PUM1: variants seen among roughly 807,000 people sequenced by gnomAD.
PUM1 encodes the protein pumilio RNA binding family member 1, also known as pumilio homolog 1.
A neutral mutation model predicts 131.8 loss-of-function variants in PUM1; 13 were observed. The ratio of observed to expected loss-of-function variants is 0.10; its 90% confidence interval spans 0.06 to 0.16. The LOEUF (loss-of-function observed/expected upper bound fraction) is 0.16. PUM1 is among the 10% of genes least tolerant of loss of function. The pLI is 1.00. For synonymous variants in PUM1, 509 were observed against 556.5 expected, an observed-to-expected ratio of 0.91 and a Z score of 1.20; for missense variants, 961 against 1,512.4, an observed-to-expected ratio of 0.64 and a Z score of 6.05.
chr1:30,944,799 A>C (rs1349209708), intron 18 of PUM1, among the ~76,000 whole-genome samples: 1 of 152,244 alleles, frequency 6.6e-6, no homozygotes, highest in Admixed American at 6.5e-5. Flanking sequence ...TTCATCTTAA[A>C]AACTCTTATG....
rs1639868574 is a variant in PUM1 at position 30,950,159 on chromosome 1, G to A, written c.2824C>T (p.Leu942Phe). Reference sequence around the variant, plus strand: ...TGCTGGTCTGAAGGAATAAACTCAAGAGCTTTCTGGATAACACGGCAGCCA... The same window carrying A: ...TGCTGGTCTGAAGGAATAAACTCAAAAGCTTTCTGGATAACACGGCAGCCA... ...MYGCRVIQKA[L>F]EFIPSDQQVI... The change falls in exon 17 of 22, where the codon CTT becomes TTT. Residue 942 changes from leucine (L) to phenylalanine (F), a missense_variant. Transcript: ENST00000426105. The A allele has an allele frequency of 1.9e-6, 3 of 1,613,676 alleles. No homozygotes were observed. Among genetic ancestry groups the A allele is most frequent in the African/African-American group, 1.3e-5 (1 of 74,932 alleles).
At chr1:31,054,961 C>T (rs1260832690) in intron 2 of PUM1, among the ~76,000 whole-genome samples, 2 of 152,140 alleles carry the variant, frequency 1.3e-5, no homozygotes, top group Non-Finnish European at 2.9e-5. Context: ...TACCTGGTAA[C>T]AAAGCCTCAG....
At chr1:30,971,583 T>C (rs1181215042) in intron 10 of PUM1, among the ~76,000 whole-genome samples, 1 of 152,192 alleles carries the variant, frequency 6.6e-6, no homozygotes, top group Non-Finnish European at 1.5e-5. Context: ...AGTCAAGACA[T>C]CACAATATGG....
chr1:30,960,459 A>T (rs1273404037), intron 14 of PUM1, among the ~76,000 whole-genome samples: 1 of 152,222 alleles, frequency 6.6e-6, no homozygotes, highest in Non-Finnish European at 1.5e-5. Context: ...AATGGCTTTT[A>T]TTCTTAAGAT....
At chr1:31,062,828 T>A (rs1485554489) in intron 1 of PUM1, among the ~76,000 whole-genome samples, 1 of 152,164 alleles carries the variant, frequency 6.6e-6, no homozygotes, top group African/African-American at 2.4e-5. Flanking sequence ...AACCTTCTGA[T>A]AAAGTAGCAT....
chr1:30,959,284 T>C (rs1557554964), intron 14 of PUM1, among the ~76,000 whole-genome samples: 1 of 152,098 alleles, frequency 6.6e-6, no homozygotes, highest in East Asian at 1.9e-4. Flanking sequence ...GAGGTCAGTA[T>C]CACCCTGACA....
In PUM1 at chr1:31,038,994, T is replaced by A. The variant is rs866276146; in HGVS notation, c.364-10130A>T. On this transcript the variant is annotated intron_variant, in intron 2 of 21. Transcript: ENST00000426105. The stretch of plus-strand genomic sequence containing the variant: ...TATATATATATATATATTTTTTTTT[T>A]TTTTTTCCTTTTCTCTTTTTGAGAC... Among the ~76,000 whole-genome samples the A allele has an allele frequency of 1.9e-3, 104 of 54,888 alleles. 5 individuals carry two copies. Among genetic ancestry groups the A allele is most frequent in the African/African-American group, 0.01 (86 of 8,592 alleles). The allele number at this position is 54,888 out of a possible 152,430, so 36.0% of individuals were successfully genotyped here. A position where few individuals can be genotyped will look rare whatever the true frequency, so the allele number is the denominator to read the frequency against.
intron 2 of PUM1, among the ~76,000 whole-genome samples, chr1:31,045,775 G>A (rs963554052): frequency 6.6e-6 from 1 of 151,934 alleles, no homozygotes; most frequent in East Asian, 1.9e-4. Context: ...CCATTAATAA[G>A]CTATCAACAA....
chr1:30,985,581 G>A (rs1360611555), intron 7 of PUM1, among the ~76,000 whole-genome samples: 2 of 150,986 alleles, frequency 1.3e-5, no homozygotes, highest in Non-Finnish European at 2.9e-5. Flanking sequence ...GAACCCAGGA[G>A]GCGGAAGTTG....
intron 3 of PUM1, among the ~76,000 whole-genome samples, chr1:31,010,956 G>A (rs1420300264): frequency 1.3e-5 from 2 of 152,138 alleles, no homozygotes; most frequent in African/African-American, 4.8e-5. Flanking sequence ...TCTAAGATCA[G>A]ACTTAGCAAC....
chr1:30,972,496 A>T, intron 10 of PUM1, among the ~76,000 whole-genome samples: 1 of 140,804 alleles, frequency 7.1e-6, no homozygotes, highest in Admixed American at 7.1e-5. Context: ...TTAATAGGCC[A>T]GGCACAGTGA....
chr1:30,933,229 G>A lies in PUM1; in HGVS notation c.3549C>T (p.Pro1183=). The A allele has an allele frequency of 6.2e-7, 1 of 1,613,296 alleles. No individual in the cohort carries two copies. The part of the protein sequence containing the change: ...NGVDLGPICG[P]PNGII ...CACTGCCTCAGATGATACCATTAGG[G>A]GGGCCACAGATGGGCCCTAAGTCAA... is the stretch of plus-strand genomic sequence containing the variant. Residue 1183 remains proline (P), a synonymous_variant, in exon 22 of 22, where the codon CCC becomes CCT. Coordinates refer to ENST00000426105, the MANE Select transcript of PUM1 (RefSeq NM_001020658.2).
At chr1:30,938,553 C>T (rs978732395) in intron 20 of PUM1, among the ~76,000 whole-genome samples, 1 of 152,092 alleles carries the variant, frequency 6.6e-6, no homozygotes, top group South Asian at 2.1e-4. Context: ...GTCTCCAGCC[C>T]CTATTTTTTC....
chr1:31,053,810 G>C (rs1044910569), intron 2 of PUM1, among the ~76,000 whole-genome samples: 6 of 151,652 alleles, frequency 4.0e-5, no homozygotes, highest in Non-Finnish European at 2.9e-5. Flanking sequence ...AAGTATACAA[G>C]TGGCCCAGGA....
chr1:30,948,648 G>C (rs1458471067), intron 17 of PUM1, among the ~76,000 whole-genome samples: 1 of 152,154 alleles, frequency 6.6e-6, no homozygotes, highest in Non-Finnish European at 1.5e-5. Flanking sequence ...CTACTCAGGA[G>C]GCTAAGATGG....
chr1:31,030,865 A>C (rs1441935974), intron 2 of PUM1, among the ~76,000 whole-genome samples: 3 of 152,276 alleles, frequency 2.0e-5, no homozygotes, highest in African/African-American at 7.2e-5. Flanking sequence ...ACTATGCTAC[A>C]AATGAGACAC....
intron 15 of PUM1, among the ~76,000 whole-genome samples, chr1:30,952,884 G>T (rs578002447): frequency 7.3e-4 from 111 of 152,086 alleles, no homozygotes; most frequent in African/African-American, 2.6e-3. Flanking sequence ...GCTGAAGCAG[G>T]AGAATGGCGT....
chr1:30,997,610 T>C (rs1218349596), intron 5 of PUM1, among the ~76,000 whole-genome samples: 1 of 151,548 alleles, frequency 6.6e-6, no homozygotes, highest in African/African-American at 2.4e-5. Flanking sequence ...ATATCAATGC[T>C]CTGCATTATC....
At chr1:31,048,225 C>T (rs926110133) in intron 2 of PUM1, among the ~76,000 whole-genome samples, 3 of 150,680 alleles carry the variant, frequency 2.0e-5, no homozygotes, top group Admixed American at 1.3e-4. Flanking sequence ...GGCAACAGAA[C>T]GAGACTGTCT....
Sources: allele counts gnomAD v4.1 joint callset (sites outside exome capture counted in the v4.1 genomes callset), GRCh38; gene constraint gnomAD v4.1.1; transcripts MANE v1.5; gene names NCBI Gene and HGNC (gene_info 2026-07-23, HGNC 2026-07-21).